Variants in MTR observed in about 807,000 individuals in gnomAD.
The protein encoded by MTR is 5-methyltetrahydrofolate-homocysteine methyltransferase.
MTR carries 84 observed loss-of-function variants against 154.8 expected under a neutral mutation model. The ratio of observed to expected loss-of-function variants is 0.54; its 90% CI spans 0.45 to 0.65. MTR has a LOEUF of 0.65. Ranked by LOEUF, MTR falls within the 30% of genes least tolerant of loss-of-function variation. MTR has a pLI of 0.00. For missense variants in MTR, 1,275 were observed against 1,570.2 expected (o/e 0.81, Z 3.18); for synonymous variants, 554 against 553.9 (o/e 1.00, Z 0.00).
In MTR at chr1:236,820,437, A is replaced by T. The variant is rs553659614; in HGVS notation, c.765-3682A>T. ...GCAGTTTCCAGCTGAAGACTGGAGC[A>T]CTCAGCCTGCCACGGAAGACTGGTC... On this transcript the variant is annotated intron_variant, in intron 8 of 32. Transcript: ENST00000366577. 1.5e-5 allele frequency: 20 copies of T among 1,364,486 alleles called. No individual in the cohort carries two copies. The South Asian group carries it at 2.3e-4, about 16-fold the overall frequency. 84.5% of individuals were successfully genotyped at this position (1,364,486 alleles called of 1,614,324 possible).
intron 29 of MTR, among the ~76,000 whole-genome samples, chr1:236,891,683 A>G (rs1429800129): frequency 2.0e-5 from 3 of 152,230 alleles, no homozygotes; most frequent in Admixed American, 6.5e-5. Context: ...ACGTAGGTTA[A>G]TATCTATGCA....
In MTR at chr1:236,850,534, G is replaced by A; in HGVS notation, c.1695+11G>A. 6.2e-7 allele frequency: 1 copy of A among 1,612,274 alleles called. No individual in the cohort carries two copies. Among genetic ancestry groups the A allele is most frequent in the Non-Finnish European group, 8.5e-7 (1 of 1,178,676 alleles). On this transcript the variant is annotated intron_variant, in intron 16 of 32. Coordinates refer to ENST00000366577, the MANE Select transcript of MTR (RefSeq NM_000254.3). ...ACAAAAGTCATTAAAGTAAGTGTAG[G>A]CATGTTCTCTCCCAAGTCATGGCTC... is the stretch of plus-strand genomic sequence containing the variant.
intron 1 of MTR, among the ~76,000 whole-genome samples, chr1:236,796,910 CATTTA>C (rs1228560892): frequency 6.6e-6 from 1 of 151,922 alleles, no homozygotes; most frequent in Admixed American, 6.6e-5. Flanking sequence ...TCCCCCTTCC[CATTTA>C]ATTTAAACAA....
rs183374463 is a variant in MTR, at chr1:236,899,539, T to C, written c.*1895T>C. The C allele has an allele frequency of 2.0e-5, 3 of 152,270 alleles. No individual in the cohort carries two copies. In the East Asian group the frequency reaches 5.8e-4, roughly 29 times the overall value. 9.4% of individuals were successfully genotyped at this position (152,270 alleles called of 1,614,324 possible). A position where few individuals can be genotyped will look rare whatever the true frequency, so the allele number is the denominator to read the frequency against. On this transcript the variant is annotated 3_prime_UTR_variant, in exon 33 of 33. Transcript: ENST00000366577. ...GTTCCAAATATGTTAAGGGCTTTAA[T>C]ACAAAAAGCAAAAATTGTCAGTGTT...
At chr1:236,883,176 G>T (rs1665843804) in intron 25 of MTR, among the ~76,000 whole-genome samples, 1 of 152,176 alleles carries the variant, frequency 6.6e-6, no homozygotes, top group Non-Finnish European at 1.5e-5. Context: ...TTGTGTGGCT[G>T]TTGCCATGAA....
In MTR at chr1:236,832,003, T is replaced by C. The variant is rs766510250; in HGVS notation, c.1113T>C (p.Phe371=). 1 of 1,614,172 alleles carries C rather than the reference T, an allele frequency of 6.2e-7. No homozygotes were observed. Among genetic ancestry groups the C allele is most frequent in the Admixed American group, 1.7e-5 (1 of 60,024 alleles). ...TCAGGATTGGACCGTACACCAACTT[T>C]GTTAACATTGGAGAGCGCTGTAATG... ...EPFRIGPYTN[F]VNIGERCNVA... The change falls in exon 13 of 33, where the codon TTT becomes TTC. Residue 371 remains phenylalanine, a synonymous_variant. Coordinates refer to ENST00000366577, the MANE Select transcript of MTR (RefSeq NM_000254.3).
chr1:236,869,093 G>A lies in MTR; in HGVS notation c.2406-4680G>A, dbSNP rs577732002. Among the ~76,000 whole-genome samples, 5 of 152,040 alleles carry A rather than the reference G, an allele frequency of 3.3e-5. No individual in the cohort carries two copies. In the East Asian group the frequency reaches 7.7e-4, roughly 23 times the overall value. ...TGTGAATTGCAGGAGCAGCAGACAG[G>A]CTGCCACCTTAGTTAACTGAGAAAT... On this transcript the variant is annotated intron_variant, in intron 22 of 32. Transcript: ENST00000366577.
At chr1:236,823,518 C>T (rs1662095220) in intron 8 of MTR, among the ~76,000 whole-genome samples, 1 of 152,106 alleles carries the variant, frequency 6.6e-6, no homozygotes, top group Admixed American at 6.6e-5. Flanking sequence ...TGCCACATTG[C>T]ACTTAGGAAT....
At chr1:236,810,704 C>G (rs1279205195) in intron 5 of MTR, 109 bp downstream of exon 5, 2 of 924,524 alleles carry the variant, frequency 2.2e-6, no homozygotes. Context: ...CTTAGAGTTA[C>G]TGTGATTTAA....
chr1:236,890,905 T>C (rs1223328143), intron 28 of MTR, among the ~76,000 whole-genome samples: 1 of 152,024 alleles, frequency 6.6e-6, no homozygotes. Context: ...CTTGAGTGGC[T>C]TGAACTGGGA....
chr1:236,815,559 A>G, intron 6 of MTR, 45 bp from the exon 7 acceptor site: 3 of 1,595,858 alleles, frequency 1.9e-6, no homozygotes, highest in South Asian at 1.1e-5. Flanking sequence ...CTAATCTTGG[A>G]CACACTCTCA....
intron 18 of MTR, among the ~76,000 whole-genome samples, chr1:236,855,125 C>CATGAAGAGCAGGAATATT (rs1664132387): frequency 6.6e-6 from 1 of 152,052 alleles, no homozygotes; most frequent in Admixed American, 6.6e-5. Context: ...TGAAATGGAG[C>CATGAAGAGCAGGAATATT]ATGAAGAGCA....
intron 29 of MTR, 52 bp downstream of exon 29, chr1:236,891,381 G>A: frequency 6.5e-7 from 1 of 1,545,000 alleles, no homozygotes; most frequent in Non-Finnish European, 8.9e-7. Flanking sequence ...GTGAGTTTAA[G>A]CACTACACAA....
At position 236,822,261 on chromosome 1, in the gene MTR, A is replaced by G. The variant is rs116006886; in HGVS notation, c.765-1858A>G. On this transcript the variant is annotated intron_variant, in intron 8 of 32. Transcript: ENST00000366577. ...TATAGTTTTTTTCATATAGATCCAA[A>G]TATTTCATTTGTTTTGGTGCTAGTG... 4.0e-3 allele frequency among the ~76,000 whole-genome samples: 595 copies of G among 148,484 alleles called. 4 individuals are homozygous for G. The highest frequency in any genetic ancestry group is 0.014 in the African/African-American group (563 of 40,718).
intron 25 of MTR, among the ~76,000 whole-genome samples, chr1:236,884,716 G>GTGTC (rs1181735083): frequency 2.0e-5 from 3 of 152,162 alleles, no homozygotes; most frequent in Non-Finnish European, 4.4e-5. Context: ...GAATGCCCAT[G>GTGTC]TGTCTAGCCT....
intron 5 of MTR, among the ~76,000 whole-genome samples, chr1:236,811,125 G>A (rs569261310): frequency 3.8e-4 from 58 of 152,252 alleles, no homozygotes; most frequent in African/African-American, 9.4e-4. Context: ...AGCAAGTCAC[G>A]TCTTACACGG....
chr1:236,795,523 C>T lies in MTR; in HGVS notation c.-181C>T, dbSNP rs1370316343. 3 of 1,528,068 alleles carry T rather than the reference C, an allele frequency of 2.0e-6. No individual in the cohort carries two copies. Among genetic ancestry groups the T allele is most frequent in the Non-Finnish European group, 1.8e-6 (2 of 1,141,380 alleles). The allele number at this position is 1,528,068 out of a possible 1,614,324, so 94.7% of individuals were successfully genotyped here. On this transcript the variant is annotated 5_prime_UTR_variant, in exon 1 of 33. Coordinates refer to ENST00000366577, the MANE Select transcript of MTR (RefSeq NM_000254.3). ...CCCAGCCCCGAGAGAGGCCCTAGGG[C>T]GCTGCGGGCTTTCGGGGTCCGCAGT...
At chr1:236,834,652 G>A (rs1438670751) in intron 13 of MTR, among the ~76,000 whole-genome samples, 4 of 151,598 alleles carry the variant, frequency 2.6e-5, no homozygotes, top group Non-Finnish European at 5.9e-5. Context: ...GACAATATCA[G>A]CATCTACTAT....
Position 236,810,542 on chromosome 1 carries a change from A to G in MTR, c.449A>G (p.Asn150Ser), listed in dbSNP as rs1239731240. ...RFVAGALGPT[N>S]KTLSVSPSVE... Reference sequence around the variant, plus strand: ...GTGGCAGGGGCTCTGGGTCCGACTAATAAGACACTCTCTGTGTCCCCATCT... The same window carrying G: ...GTGGCAGGGGCTCTGGGTCCGACTAGTAAGACACTCTCTGTGTCCCCATCT... The change falls in exon 5 of 33, where the codon AAT becomes AGT. Residue 150 changes from asparagine to serine, a missense_variant. Coordinates refer to ENST00000366577, the MANE Select transcript of MTR (RefSeq NM_000254.3). The G allele has an allele frequency of 4.3e-6, 7 of 1,613,934 alleles. No individual in the cohort carries two copies. Among genetic ancestry groups the G allele is most frequent in the Non-Finnish European group, 5.9e-6 (7 of 1,179,848 alleles).
Sources: gnomAD v4.1 joint callset for allele counts (sites outside exome capture counted in the v4.1 genomes callset) on GRCh38, gnomAD v4.1.1 for gene constraint, MANE v1.5 for transcripts, NCBI Gene and HGNC (gene_info 2026-07-23, HGNC 2026-07-21) for gene names.